The following RBFOX1 variants were observed in gnomAD, a reference collection of about 807,000 sequenced individuals.
The protein encoded by RBFOX1 is RNA binding fox-1 homolog 1.
Under a neutral mutation model 57.7 loss-of-function variants are expected in RBFOX1, and 8 were observed. That is an observed-to-expected ratio of 0.14 (90% CI 0.08 to 0.25). The LOEUF (loss-of-function observed/expected upper bound fraction) is 0.25, where lower values mean the gene tolerates loss of function less well. Among genes scored for constraint, RBFOX1 ranks in the 10% least tolerant of loss-of-function variants. The pLI, the probability that RBFOX1 is intolerant of heterozygous loss-of-function variation, is 1.00. For synonymous variants in RBFOX1, 326 were observed against 222.4 expected, an observed-to-expected ratio of 1.47 and a Z score of -4.15; for missense variants, 611 against 548.5, an observed-to-expected ratio of 1.11 and a Z score of -1.14.
At chr16:5,976,160 A>G (rs1215238912) in intron 4 of RBFOX1, among the ~76,000 whole-genome samples, 2 of 152,056 alleles carry the variant, frequency 1.3e-5, no homozygotes, top group African/African-American at 2.4e-5. Context: ...AAATTAATAA[A>G]TAAATAATAA....
chr16:7,070,505 A>T (rs1487938694), intron 4 of RBFOX1, among the ~76,000 whole-genome samples: 3 of 152,182 alleles, frequency 2.0e-5, no homozygotes, highest in Non-Finnish European at 2.9e-5. Flanking sequence ...TTGATTGCAT[A>T]TGTGTCTTGA....
At chr16:5,394,347 TG>T (rs1451422379) in intron 1 of RBFOX1, among the ~76,000 whole-genome samples, 1 of 152,188 alleles carries the variant, frequency 6.6e-6, no homozygotes, top group Non-Finnish European at 1.5e-5. Context: ...CAATGTTTAC[TG>T]GAAAATTTTA....
chr16:5,680,855 A>G (rs972148629), intron 3 of RBFOX1, among the ~76,000 whole-genome samples: 6 of 151,984 alleles, frequency 3.9e-5, no homozygotes, highest in African/African-American at 1.5e-4. Flanking sequence ...AGAGTAATGA[A>G]CAAGACGTGC....
At chr16:7,245,349 A>G (rs1406626091) in intron 4 of RBFOX1, among the ~76,000 whole-genome samples, 1 of 152,144 alleles carries the variant, frequency 6.6e-6, no homozygotes, top group Non-Finnish European at 1.5e-5. Context: ...GTTCCAAGAT[A>G]CATGTACAGG....
At chr16:6,098,431 A>G (rs1356297473) in intron 1 of RBFOX1, among the ~76,000 whole-genome samples, 2 of 152,184 alleles carry the variant, frequency 1.3e-5, no homozygotes, top group Non-Finnish European at 2.9e-5. Context: ...TGCCTCCTAA[A>G]TTAGCTTTGT....
Position 6,222,146 on chromosome 16 carries a change from A to C in RBFOX1, c.-126-94849A>C, listed in dbSNP as rs148811759. Among the ~76,000 whole-genome samples, 918 of 152,322 alleles carry C rather than the reference A, an allele frequency of 6.0e-3. 10 individuals are homozygous for C. The highest frequency in any genetic ancestry group is 0.01 in the Non-Finnish European group (712 of 68,038). On this transcript the variant is annotated intron_variant, in intron 1 of 15. Coordinates refer to ENST00000550418, the MANE Select transcript of RBFOX1 (RefSeq NM_018723.4). ...TTTCCAAACAACTAGCCAAATATGT[A>C]GTCCAATGGAAATGAATGTTTTAGA...
chr16:6,997,041 T>C (rs2092315740), intron 3 of RBFOX1, among the ~76,000 whole-genome samples: 2 of 152,192 alleles, frequency 1.3e-5, no homozygotes, highest in Non-Finnish European at 2.9e-5. Flanking sequence ...TATGCACGTA[T>C]TTATAAGTAC....
At chr16:7,375,715 C>T (rs949741744) in intron 4 of RBFOX1, among the ~76,000 whole-genome samples, 5 of 152,024 alleles carry the variant, frequency 3.3e-5, no homozygotes, top group African/African-American at 1.2e-4. Flanking sequence ...AGCACCTTGC[C>T]TATAAATAAA....
chr16:6,818,926 A>G (rs1168605954), intron 3 of RBFOX1, among the ~76,000 whole-genome samples: 1 of 152,226 alleles, frequency 6.6e-6, no homozygotes, highest in African/African-American at 2.4e-5. Context: ...TGCTGAACTG[A>G]TAGAATGAAG....
At chr16:6,655,125 A>G (rs1043745177) in intron 3 of RBFOX1, among the ~76,000 whole-genome samples, 3 of 151,680 alleles carry the variant, frequency 2.0e-5, no homozygotes, top group East Asian at 1.9e-4. Context: ...TATAATCCCA[A>G]CACTTTGGGA....
chr16:6,738,709 A>G (rs1002767443), intron 3 of RBFOX1, among the ~76,000 whole-genome samples: 2 of 152,186 alleles, frequency 1.3e-5, no homozygotes, highest in African/African-American at 4.8e-5. Flanking sequence ...CCCATAGAGC[A>G]TATACCTTGA....
chr16:6,322,785 A>T (rs544487284), intron 2 of RBFOX1, among the ~76,000 whole-genome samples: 1 of 152,280 alleles, frequency 6.6e-6, no homozygotes, highest in African/African-American at 2.4e-5. Flanking sequence ...AGAGGGAGAG[A>T]GAATGAGAAC....
rs1251353539 is a variant in RBFOX1 at position 6,540,076 on chromosome 16, GAA to G, written c.-63-114525_-63-114524del. 2.3e-3 allele frequency among the ~76,000 whole-genome samples: 346 copies of G among 152,254 alleles called. 1 individual carries two copies. Among genetic ancestry groups the G allele is most frequent in the African/African-American group, 8.0e-3 (332 of 41,552 alleles). ...GGGCCTCACGTGACTTGACTTTGAT[GAA>G]ATAGAGAAGCAGGCTGCCCTCTGTC... On this transcript the variant is annotated intron_variant, in intron 2 of 15. Coordinates refer to ENST00000550418, the MANE Select transcript of RBFOX1 (RefSeq NM_018723.4).
At chr16:7,581,263 C>T (rs146112188) in intron 6 of RBFOX1, among the ~76,000 whole-genome samples, 1 of 152,252 alleles carries the variant, frequency 6.6e-6, no homozygotes, top group East Asian at 1.9e-4. Context: ...TCCTGCAGAA[C>T]AGAGATACCC....
rs112060453 is a variant in RBFOX1 at position 6,905,258 on chromosome 16, T to TA, written c.-15-146799_-15-146798insA. Among the ~76,000 whole-genome samples, 544 of 150,758 alleles carry TA rather than the reference T, an allele frequency of 3.6e-3. 2 individuals are homozygous for TA. The highest frequency in any genetic ancestry group is 0.013 in the African/African-American group (519 of 40,834). Reference sequence around the variant, plus strand: ...TCTCTGTAACTGTTTAAAAAAAAAATTAAAAAAAAGAATGGCTGGCCTCAG... The same window carrying TA: ...TCTCTGTAACTGTTTAAAAAAAAAATATAAAAAAAAGAATGGCTGGCCTCAG... On this transcript the variant is annotated intron_variant, in intron 3 of 15. Transcript: ENST00000550418.
chr16:5,296,683 CTTT>C (rs908247757), intron 1 of RBFOX1, among the ~76,000 whole-genome samples: 1 of 143,180 alleles, frequency 7.0e-6, no homozygotes, highest in Non-Finnish European at 1.5e-5. Flanking sequence ...CTGAGCTAAA[CTTT>C]TTTTTTTTTT....
intron 1 of RBFOX1, among the ~76,000 whole-genome samples, chr16:5,333,413 T>C (rs180941162): frequency 2.6e-4 from 37 of 144,306 alleles, no homozygotes; most frequent in African/African-American, 9.0e-4. Flanking sequence ...CTGTCAGGTC[T>C]GAACAGCTGA....
chr16:7,134,938 T>TC (rs2071505431), intron 4 of RBFOX1, among the ~76,000 whole-genome samples: 1 of 152,040 alleles, frequency 6.6e-6, no homozygotes, highest in Non-Finnish European at 1.5e-5. Context: ...TTTTTTTTTT[T>TC]CAATTTTGAT....
intron 11 of RBFOX1, among the ~76,000 whole-genome samples, chr16:7,636,065 C>A (rs1420915146): frequency 2.0e-5 from 3 of 152,226 alleles, no homozygotes; most frequent in East Asian, 3.8e-4. Context: ...CCGCCTTGGC[C>A]GCCCACAGTG....
Sources: gnomAD v4.1 joint callset for allele counts (sites outside exome capture counted in the v4.1 genomes callset) on GRCh38, gnomAD v4.1.1 for gene constraint, MANE v1.5 for transcripts, NCBI Gene and HGNC (gene_info 2026-07-23, HGNC 2026-07-21) for gene names.